CSMD3: variants seen among roughly 807,000 people sequenced by gnomAD.
CSMD3 encodes the protein CUB and Sushi multiple domains 3, also known as CUB and sushi domain-containing protein 3.
A neutral mutation model predicts 435.2 loss-of-function variants in CSMD3; 177 were observed. That is an observed-to-expected ratio of 0.41 (90% CI 0.36 to 0.46). The LOEUF (loss-of-function observed/expected upper bound fraction) is 0.46. CSMD3 is among the 20% of genes least tolerant of loss of function. The probability of loss-of-function intolerance (pLI) is 0.34; values close to 1 mark genes in which losing one functional copy is unlikely to be tolerated. For missense variants in CSMD3, 4,265 were observed against 4,504.6 expected (o/e 0.95, Z 1.52); for synonymous variants, 1,656 against 1,520.5 (o/e 1.09, Z -2.07).
chr8:113,019,057 A>G lies in CSMD3; in HGVS notation c.1030+10T>C, dbSNP rs2086583495. The G allele has an allele frequency of 3.3e-6, 5 of 1,505,678 alleles. No individual in the cohort carries two copies. The South Asian group carries it at 3.4e-5, about 10-fold the overall frequency. The allele number at this position is 1,505,678 out of a possible 1,614,324, so 93.3% of individuals were successfully genotyped here. ...ATATCAAAAGAGGCAAAGGTATTCC[A>G]TAAGTATACCTTGATAGGGAGCACT... On this transcript the variant is annotated intron_variant, in intron 6 of 70. Transcript: ENST00000297405.
chr8:112,529,531 T>G (rs890013440), intron 27 of CSMD3, among the ~76,000 whole-genome samples: 7 of 152,182 alleles, frequency 4.6e-5, no homozygotes, highest in African/African-American at 1.7e-4. Context: ...CAGACTGCCG[T>G]GAGCTGTAAG....
intron 28 of CSMD3, among the ~76,000 whole-genome samples, chr8:112,508,756 T>A (rs1822792224): frequency 1.3e-5 from 2 of 152,162 alleles, no homozygotes; most frequent in South Asian, 4.1e-4. Flanking sequence ...CTTGCAATAA[T>A]CCTGTCTGAA....
intron 56 of CSMD3, among the ~76,000 whole-genome samples, chr8:112,290,443 T>C (rs1819653067): frequency 6.6e-6 from 1 of 151,994 alleles, no homozygotes; most frequent in South Asian, 2.1e-4. Flanking sequence ...GGTAGCTACA[T>C]AAGAATAAGT....
In CSMD3 at chr8:112,940,100, GAAT is replaced by G. The variant is rs369815652; in HGVS notation, c.1508+7687_1508+7689del. On this transcript the variant is annotated intron_variant, in intron 9 of 70. Transcript: ENST00000297405. ...CATATTTAGAAAGTTCATGTAAGAA[GAAT>G]GAGTGAAAATGACTTTATATTCAAA... Among the ~76,000 whole-genome samples the G allele has an allele frequency of 5.9e-4, 90 of 151,962 alleles. 1 individual carries two copies. The East Asian group carries it at 9.9e-3, about 17-fold the overall frequency.
At chr8:112,277,441 T>C (rs1439817896) in intron 59 of CSMD3, among the ~76,000 whole-genome samples, 1 of 152,166 alleles carries the variant, frequency 6.6e-6, no homozygotes, top group East Asian at 1.9e-4. Context: ...TCATTGTCCA[T>C]ATCATTATCA....
At chr8:112,296,605 A>T (rs1820312112) in intron 53 of CSMD3, among the ~76,000 whole-genome samples, 1 of 151,884 alleles carries the variant, frequency 6.6e-6, no homozygotes, top group Non-Finnish European at 1.5e-5. Flanking sequence ...ATTTAGAGGT[A>T]CAGATAAAGC....
intron 1 of CSMD3, among the ~76,000 whole-genome samples, chr8:113,361,017 G>GA (rs910430948): frequency 4.6e-5 from 7 of 151,614 alleles, no homozygotes; most frequent in South Asian, 2.1e-4. Flanking sequence ...GTTTTAAGCA[G>GA]AAAAAAAAGG....
chr8:112,419,954 T>C (rs190646083), intron 32 of CSMD3, among the ~76,000 whole-genome samples: 9 of 152,216 alleles, frequency 5.9e-5, no homozygotes, highest in African/African-American at 2.2e-4. Flanking sequence ...ATAAAAAGTT[T>C]AAAGTGTTCA....
chr8:112,676,849 T>TG (rs1366748812), intron 16 of CSMD3, among the ~76,000 whole-genome samples: 1 of 152,132 alleles, frequency 6.6e-6, no homozygotes, highest in Non-Finnish European at 1.5e-5. Flanking sequence ...TCTCATGGCC[T>TG]GGTATCCCTT....
chr8:113,329,881 G>A (rs936015069), intron 1 of CSMD3, among the ~76,000 whole-genome samples: 1 of 151,818 alleles, frequency 6.6e-6, no homozygotes, highest in Admixed American at 6.6e-5. Context: ...AATGACATTT[G>A]AAAAAAATAA....
intron 1 of CSMD3, among the ~76,000 whole-genome samples, chr8:113,368,870 T>A (rs1247574905): frequency 2.6e-5 from 4 of 152,116 alleles, no homozygotes; most frequent in African/African-American, 9.6e-5. Flanking sequence ...GGTAATGTTT[T>A]CTGGGGAAAA....
At chr8:112,507,997 G>A (rs62516491) in intron 28 of CSMD3, among the ~76,000 whole-genome samples, 36,641 of 151,894 alleles carry the variant, frequency 0.24, 4,942 homozygotes, top group East Asian at 0.47. Context: ...AAACTGCTTC[G>A]ATGTTCTGTA....
At chr8:113,110,218 T>C (rs1263854626) in intron 4 of CSMD3, among the ~76,000 whole-genome samples, 5 of 152,182 alleles carry the variant, frequency 3.3e-5, no homozygotes, top group Non-Finnish European at 7.3e-5. Flanking sequence ...CACATCTTCA[T>C]TTTTTATAAT....
At chr8:112,924,743 C>G (rs549941254) in intron 9 of CSMD3, among the ~76,000 whole-genome samples, 1 of 151,980 alleles carries the variant, frequency 6.6e-6, no homozygotes, top group Non-Finnish European at 1.5e-5. Context: ...GTTCTTCTCC[C>G]CTTAATACAC....
At chr8:113,146,179 G>T (rs779153185) in intron 4 of CSMD3, among the ~76,000 whole-genome samples, 1 of 151,448 alleles carries the variant, frequency 6.6e-6, no homozygotes, top group Non-Finnish European at 1.5e-5. Flanking sequence ...AAGCCCAAAA[G>T]CAAAACAGTG....
chr8:112,525,770 A>AT (rs1206866096), intron 27 of CSMD3, among the ~76,000 whole-genome samples: 4 of 140,528 alleles, frequency 2.8e-5, no homozygotes, highest in Admixed American at 7.2e-5. Context: ...ATATATATAT[A>AT]TTTATATGTG....
chr8:113,427,993 TCTTA>T (rs1331442657), intron 1 of CSMD3, among the ~76,000 whole-genome samples: 1 of 151,888 alleles, frequency 6.6e-6, no homozygotes, highest in African/African-American at 2.4e-5. Flanking sequence ...CTCTGTTTTA[TCTTA>T]CTTAATGTGC....
intron 16 of CSMD3, among the ~76,000 whole-genome samples, chr8:112,669,365 A>G (rs2075602737): frequency 6.6e-6 from 1 of 152,136 alleles, no homozygotes; most frequent in African/African-American, 2.4e-5. Flanking sequence ...TTTTATCTGT[A>G]AAGAAATCTA....
chr8:112,292,584 T>C lies in CSMD3; in HGVS notation c.8741A>G (p.Gln2914Arg), dbSNP rs1819873022. The C allele has an allele frequency of 5.0e-6, 8 of 1,613,914 alleles. No homozygotes were observed. The highest frequency in any genetic ancestry group is 6.8e-6 in the Non-Finnish European group (8 of 1,179,808). ...GCTCCACTGTCTGTTGGCCTGGCAC[T>C]GTGCCTTTGTTGGCCCTTGCATAAG... ...GYLMQGPTKA[Q>R]CQANRQWSHP... is the part of the protein sequence containing the mutation. The change falls in exon 55 of 71, where the codon CAG becomes CGG. Residue 2914 changes from glutamine (Q) to arginine (R), a missense_variant. Gln to Arg is a conservative substitution (Grantham distance 43). Coordinates refer to ENST00000297405, the MANE Select transcript of CSMD3 (RefSeq NM_198123.2).
Sources: gnomAD v4.1 joint callset for allele counts (sites outside exome capture counted in the v4.1 genomes callset) on GRCh38, gnomAD v4.1.1 for gene constraint, MANE v1.5 for transcripts, NCBI Gene and HGNC (gene_info 2026-07-23, HGNC 2026-07-21) for gene names.